FRRS1L: variants seen among roughly 807,000 people sequenced by gnomAD.
FRRS1L encodes the protein ferric chelate reductase 1 like.
A neutral mutation model predicts 28.6 loss-of-function variants in FRRS1L; 22 were observed. The ratio of observed to expected loss-of-function variants is 0.77; its 90% confidence interval spans 0.55 to 1.10. FRRS1L has a LOEUF of 1.10. FRRS1L is among the 50% of genes least tolerant of loss of function. The pLI, the probability that FRRS1L is intolerant of heterozygous loss-of-function variation, is 0.00. For synonymous variants in FRRS1L, 158 were observed against 151.4 expected (o/e 1.04, Z -0.32); for missense variants, 380 against 386.9 (o/e 0.98, Z 0.15).
intron 1 of FRRS1L, among the ~76,000 whole-genome samples, chr9:109,154,773 ACT>A (rs1831382439): frequency 6.6e-6 from 1 of 152,250 alleles, no homozygotes; most frequent in Middle Eastern, 3.4e-3. Context: ...AAAAATGAAC[ACT>A]CTGACACATA....
chr9:109,147,015 A>T (rs1299125641), intron 3 of FRRS1L, 36 bp downstream of exon 3: 1 of 1,599,930 alleles, frequency 6.3e-7, no homozygotes, highest in Non-Finnish European at 8.6e-7. Context: ...CCAACTAAAG[A>T]GAAAAAATCA....
rs1831105608 is a variant in FRRS1L, at chr9:109,135,931, G to A, written c.*1524C>T. 1 of 151,830 alleles carries A rather than the reference G, an allele frequency of 6.6e-6. No individual in the cohort carries two copies. The highest frequency in any genetic ancestry group is 1.9e-4 in the East Asian group (1 of 5,166). The allele number at this position is 151,830 out of a possible 1,614,324, so 9.4% of individuals were successfully genotyped here. A position where few individuals can be genotyped will look rare whatever the true frequency, so the allele number is the denominator to read the frequency against. ...AAATTTTTACTAAGATGTTTTGTCT[G>A]ATATAACACATTTTTAGGCCAGGCA... On this transcript the variant is annotated 3_prime_UTR_variant, in exon 5 of 5. Transcript: ENST00000561981.
At chr9:109,147,224 T>A (rs1831275249) in intron 2 of FRRS1L, 35 bp from the exon 3 acceptor site, 1 of 1,581,142 alleles carries the variant, frequency 6.3e-7, no homozygotes, top group Admixed American at 1.7e-5. Flanking sequence ...TTACTGCTTC[T>A]ACTTACACAA....
chr9:109,165,029 C>A (rs999654404), intron 1 of FRRS1L, among the ~76,000 whole-genome samples: 3 of 152,218 alleles, frequency 2.0e-5, no homozygotes, highest in Non-Finnish European at 4.4e-5. Context: ...CTGAGCTTAT[C>A]CTTCATTTGT....
rs566397470 is a variant in FRRS1L, at chr9:109,137,733, T to C, written c.710-106A>G. The C allele has an allele frequency of 6.9e-6, 4 of 581,144 alleles. No homozygotes were observed. In the South Asian group the frequency reaches 1.7e-4, roughly 25 times the overall value. The allele number at this position is 581,144 out of a possible 1,614,324, so 36.0% of individuals were successfully genotyped here. The stretch of plus-strand genomic sequence containing the variant: ...AAAAGTCTATTTAGTGTTGAATACG[T>C]AAGCAGTGGTTACAAAGATCTGGAT... On this transcript the variant is annotated intron_variant, in intron 4 of 4. Coordinates refer to ENST00000561981, the MANE Select transcript of FRRS1L (RefSeq NM_014334.4).
intron 1 of FRRS1L, among the ~76,000 whole-genome samples, chr9:109,156,910 C>T (rs1831417851): frequency 1.3e-5 from 2 of 152,030 alleles, no homozygotes; most frequent in African/African-American, 4.8e-5. Context: ...CAGGCTCAAG[C>T]TATCTGCCCC....
At chr9:109,141,290 C>T in intron 4 of FRRS1L, 53 bp downstream of exon 4, 2 of 1,601,208 alleles carry the variant, frequency 1.2e-6, no homozygotes, top group Non-Finnish European at 1.7e-6. Context: ...TAACAATGAA[C>T]ACAAGCACAG....
Position 109,167,191 on chromosome 9 carries a change from C to T in FRRS1L, c.-53G>A. 8.6e-7 allele frequency: 1 copy of T among 1,168,544 alleles called. No individual in the cohort carries two copies. Among genetic ancestry groups the T allele is most frequent in the Non-Finnish European group, 1.1e-6 (1 of 949,874 alleles). 72.4% of individuals were successfully genotyped at this position (1,168,544 alleles called of 1,614,324 possible). ...CGCTCGGGCCGCAGCGGGGGCGCCG[C>T]GGGCGCGGGCCGGGACTGAGCCTCC... On this transcript the variant is annotated 5_prime_UTR_variant, in exon 1 of 5. Transcript: ENST00000561981.
chr9:109,134,884 A>G lies in FRRS1L; in HGVS notation c.*2571T>C, dbSNP rs1588094803. ...TGCATATCAGTATCTTCACTACTAA[A>G]CAGCCACTAGAGCTGAGAAGATGAG... is the stretch of plus-strand genomic sequence containing the variant. On this transcript the variant is annotated 3_prime_UTR_variant, in exon 5 of 5. Coordinates refer to ENST00000561981, the MANE Select transcript of FRRS1L (RefSeq NM_014334.4). The G allele has an allele frequency of 6.6e-6, 1 of 152,198 alleles. No homozygotes were observed. Among genetic ancestry groups the G allele is most frequent in the Admixed American group, 6.5e-5 (1 of 15,282 alleles). 9.4% of individuals were successfully genotyped at this position (152,198 alleles called of 1,614,324 possible).
intron 3 of FRRS1L, 46 bp downstream of exon 3, chr9:109,147,005 C>A (rs1258997993): frequency 1.3e-6 from 2 of 1,574,788 alleles, no homozygotes; most frequent in Non-Finnish European, 1.7e-6. Flanking sequence ...AATAGCACAG[C>A]CAACTAAAGA....
At position 109,137,608 on chromosome 9, in the gene FRRS1L, A is replaced by G; in HGVS notation, c.729T>C (p.Asp243=). Residue 243 remains aspartate, a synonymous_variant, in exon 5 of 5, where the codon GAT becomes GAC. Coordinates refer to ENST00000561981, the MANE Select transcript of FRRS1L (RefSeq NM_014334.4). ...GCTCTGAAGCCGGCGGTGAGTCTAT[A>G]TCATGTCGAGTGATAGAGCCTTTAA... ...PAIQGSITRH[D]IDSPPASERV... is the part of the protein sequence containing the mutation. 1 of 1,597,378 alleles carries G rather than the reference A, an allele frequency of 6.3e-7. No individual in the cohort carries two copies. The highest frequency in any genetic ancestry group is 8.5e-7 in the Non-Finnish European group (1 of 1,170,360).
chr9:109,137,379 A>G lies in FRRS1L; in HGVS notation c.*76T>C. The G allele has an allele frequency of 1.1e-6, 1 of 908,806 alleles. No homozygotes were observed. Among genetic ancestry groups the G allele is most frequent in the Non-Finnish European group, 1.5e-6 (1 of 648,086 alleles). 56.3% of individuals were successfully genotyped at this position (908,806 alleles called of 1,614,324 possible). On this transcript the variant is annotated 3_prime_UTR_variant, in exon 5 of 5. Coordinates refer to ENST00000561981, the MANE Select transcript of FRRS1L (RefSeq NM_014334.4). ...CTTAAATAATTGAAGCTAAAATTAT[A>G]CTGGATATTCTTTAAAAAATATATT...
chr9:109,135,855 C>T lies in FRRS1L; in HGVS notation c.*1600G>A, dbSNP rs1210131948. 6.6e-6 allele frequency: 1 copy of T among 152,118 alleles called. No homozygotes were observed. The highest frequency in any genetic ancestry group is 2.4e-5 in the African/African-American group (1 of 41,412). The allele number at this position is 152,118 out of a possible 1,614,324, so 9.4% of individuals were successfully genotyped here. A position where few individuals can be genotyped will look rare whatever the true frequency, so the allele number is the denominator to read the frequency against. ...AAGCCACCTCATAAAAAAAATTCTA[C>T]TCAAAATCTCTACAGTCTCAAAAAC... is the stretch of plus-strand genomic sequence containing the variant. On this transcript the variant is annotated 3_prime_UTR_variant, in exon 5 of 5. Transcript: ENST00000561981.
chr9:109,154,710 G>A (rs762771221), intron 1 of FRRS1L, among the ~76,000 whole-genome samples: 4 of 152,034 alleles, frequency 2.6e-5, no homozygotes, highest in African/African-American at 4.8e-5. Context: ...CCTTAGACAC[G>A]AGGTCCAGCA....
intron 3 of FRRS1L, among the ~76,000 whole-genome samples, chr9:109,143,014 G>GT (rs1325281761): frequency 6.6e-6 from 1 of 151,760 alleles, no homozygotes; most frequent in Non-Finnish European, 1.5e-5. Flanking sequence ...TTCAAAACAA[G>GT]TTTAAAAAAG....
rs1831080930 is a variant in FRRS1L, at chr9:109,133,611, T to A, written c.*3844A>T. On this transcript the variant is annotated 3_prime_UTR_variant, in exon 5 of 5. Coordinates refer to ENST00000561981, the MANE Select transcript of FRRS1L (RefSeq NM_014334.4). ...TGGTCTCTAAAGTCCTGGCCAGCAC[T>A]GGTAATTTATGTCAAGTGACCAGCC... 1 of 152,230 alleles carries A rather than the reference T, an allele frequency of 6.6e-6. No individual in the cohort carries two copies. The highest frequency in any genetic ancestry group is 1.5e-5 in the Non-Finnish European group (1 of 68,042). The allele number at this position is 152,230 out of a possible 1,614,324, so 9.4% of individuals were successfully genotyped here.
Position 109,166,743 on chromosome 9 carries a change from G to A in FRRS1L, c.238+158C>T, listed in dbSNP as rs1322184030. Among the ~76,000 whole-genome samples the A allele has an allele frequency of 2.6e-5, 4 of 151,956 alleles. No homozygotes were observed. The East Asian group carries it at 5.9e-4, about 22-fold the overall frequency. ...CCAGGCCGGCGGAGGCCTGGGCACT[G>A]CGCTCCCCATCCTGGCCTCGCCTCT... On this transcript the variant is annotated intron_variant, in intron 1 of 4. Coordinates refer to ENST00000561981, the MANE Select transcript of FRRS1L (RefSeq NM_014334.4).
chr9:109,159,881 G>A (rs1462802631), intron 1 of FRRS1L, among the ~76,000 whole-genome samples: 1 of 152,116 alleles, frequency 6.6e-6, no homozygotes, highest in Non-Finnish European at 1.5e-5. Flanking sequence ...GCAGACTGTG[G>A]AACCTGCCAG....
intron 1 of FRRS1L, among the ~76,000 whole-genome samples, chr9:109,160,849 A>G (rs1564235905): frequency 7.0e-6 from 1 of 142,408 alleles, no homozygotes; most frequent in Non-Finnish European, 1.5e-5. Flanking sequence ...CTGGAGTGCA[A>G]TGGCATGATC....
Sources: gnomAD v4.1 joint callset for allele counts (sites outside exome capture counted in the v4.1 genomes callset) on GRCh38, gnomAD v4.1.1 for gene constraint, MANE v1.5 for transcripts, NCBI Gene and HGNC (gene_info 2026-07-23, HGNC 2026-07-21) for gene names.